The following SDK1 variants were observed in gnomAD, a reference collection of about 807,000 sequenced individuals.
SDK1 encodes the protein protein sidekick-1.
In SDK1, 157 loss-of-function variants were observed where a neutral mutation model predicts 245.5. That is an observed-to-expected ratio of 0.64 (90% CI 0.56 to 0.73). SDK1 has a LOEUF of 0.73. Ranked by LOEUF, SDK1 falls within the 30% of genes least tolerant of loss-of-function variation. The pLI is 0.00. For missense variants in SDK1, 3,583 were observed against 3,002.3 expected, an observed-to-expected ratio of 1.19 and a Z score of -4.52; for synonymous variants, 1,647 against 1,278.5, an observed-to-expected ratio of 1.29 and a Z score of -6.15.
At chr7:3,615,118 C>A (rs1781726099) in intron 1 of SDK1, among the ~76,000 whole-genome samples, 1 of 151,590 alleles carries the variant, frequency 6.6e-6, no homozygotes, top group Non-Finnish European at 1.5e-5. Context: ...CGAAGCTTTT[C>A]CCTTTCGAAA....
intron 1 of SDK1, among the ~76,000 whole-genome samples, chr7:3,575,979 C>CTT (rs1307136285): frequency 1.3e-5 from 2 of 151,970 alleles, no homozygotes; most frequent in Admixed American, 6.5e-5. Context: ...ATTGAATGGG[C>CTT]TTTCTGCTCT....
chr7:3,731,855 G>T (rs113650448), intron 4 of SDK1, among the ~76,000 whole-genome samples: 5,238 of 152,220 alleles, frequency 0.034, 297 homozygotes, highest in African/African-American at 0.12. Flanking sequence ...GCAGTGGCGT[G>T]ATGTTGGCTC....
At chr7:3,538,910 G>C (rs552499606) in intron 1 of SDK1, among the ~76,000 whole-genome samples, 1 of 152,338 alleles carries the variant, frequency 6.6e-6, no homozygotes, top group South Asian at 2.1e-4. Context: ...ACACAAAGAG[G>C]CAGACGGAAT....
chr7:3,653,758 G>C (rs967078667), intron 4 of SDK1, among the ~76,000 whole-genome samples: 4 of 152,146 alleles, frequency 2.6e-5, no homozygotes, highest in Non-Finnish European at 5.9e-5. Context: ...AGCTAGACTA[G>C]ACAAAGTGAA....
intron 4 of SDK1, among the ~76,000 whole-genome samples, chr7:3,687,452 C>G (rs1291844818): frequency 2.0e-5 from 3 of 152,146 alleles, no homozygotes; most frequent in Non-Finnish European, 4.4e-5. Context: ...TCATAATCAC[C>G]CCAAACTGAA....
intron 1 of SDK1, among the ~76,000 whole-genome samples, chr7:3,600,557 T>TG (rs35006650): frequency 0.17 from 24,886 of 144,512 alleles, 2,556 homozygotes; most frequent in South Asian, 0.29. Context: ...TGTAGTTTTT[T>TG]TTTTTTTTTT....
At chr7:3,912,146 G>A (rs924006872) in intron 5 of SDK1, among the ~76,000 whole-genome samples, 17 of 152,226 alleles carry the variant, frequency 1.1e-4, no homozygotes, top group African/African-American at 2.9e-4. Flanking sequence ...CTCGTTGAAG[G>A]TTTAAAGCCG....
chr7:4,224,538 C>T (rs1785313811), intron 40 of SDK1, among the ~76,000 whole-genome samples: 1 of 152,214 alleles, frequency 6.6e-6, no homozygotes, highest in Non-Finnish European at 1.5e-5. Flanking sequence ...AGGCCCCTCC[C>T]CCAACACCGG....
At chr7:4,250,795 G>T (rs905919032) in intron 44 of SDK1, among the ~76,000 whole-genome samples, 1 of 152,158 alleles carries the variant, frequency 6.6e-6, no homozygotes, top group Admixed American at 6.5e-5. Context: ...GCTTTATTGA[G>T]TTATAATTCA....
intron 21 of SDK1, among the ~76,000 whole-genome samples, chr7:4,078,851 T>C (rs1780871174): frequency 6.6e-6 from 1 of 152,100 alleles, no homozygotes; most frequent in African/African-American, 2.4e-5. Flanking sequence ...CCTGAGCAAC[T>C]GAATAGAAGC....
chr7:4,075,000 C>T (rs1470172591), intron 20 of SDK1, among the ~76,000 whole-genome samples: 1 of 149,874 alleles, frequency 6.7e-6, no homozygotes, highest in Non-Finnish European at 1.5e-5. Context: ...GCCTTCTCCC[C>T]TCTCCCTGGG....
chr7:3,411,999 A>G (rs913575998), intron 1 of SDK1, among the ~76,000 whole-genome samples: 8 of 152,210 alleles, frequency 5.3e-5, no homozygotes, highest in Non-Finnish European at 1.2e-4. Context: ...GATTTCCACA[A>G]TGTAAGGAAA....
rs149722525 is a variant in SDK1 at position 3,558,145 on chromosome 7, A to G, written c.299-60935A>G. 1.1e-3 allele frequency among the ~76,000 whole-genome samples: 165 copies of G among 152,310 alleles called. 1 individual carries two copies. The highest frequency in any genetic ancestry group is 3.9e-3 in the African/African-American group (161 of 41,558). On this transcript the variant is annotated intron_variant, in intron 1 of 44. Transcript: ENST00000404826. Reference sequence around the variant, plus strand: ...ATGGCCGGTATAGTTGCCGAATCAGATGTTTTTAGCTTACAGAAATGACAA... The same window carrying G: ...ATGGCCGGTATAGTTGCCGAATCAGGTGTTTTTAGCTTACAGAAATGACAA...
chr7:3,654,182 T>C (rs146156025), intron 4 of SDK1, among the ~76,000 whole-genome samples: 1 of 152,160 alleles, frequency 6.6e-6, no homozygotes, highest in Non-Finnish European at 1.5e-5. Flanking sequence ...ACACTGCTCC[T>C]CCAAATGCTG....
intron 1 of SDK1, among the ~76,000 whole-genome samples, chr7:3,328,459 C>T (rs988245835): frequency 2.6e-5 from 4 of 151,872 alleles, no homozygotes; most frequent in Non-Finnish European, 5.9e-5. Flanking sequence ...ATTAGTGTGG[C>T]AAGACCCAAA....
At chr7:3,421,346 G>T (rs1202786697) in intron 1 of SDK1, among the ~76,000 whole-genome samples, 1 of 151,930 alleles carries the variant, frequency 6.6e-6, no homozygotes, top group Non-Finnish European at 1.5e-5. Context: ...AAAGTGCTGG[G>T]ATTACAGGTG....
intron 4 of SDK1, among the ~76,000 whole-genome samples, chr7:3,690,870 A>C (rs10485873): frequency 0.55 from 83,224 of 151,994 alleles, 26,645 homozygotes; most frequent in Non-Finnish European, 0.73. Context: ...CATAATAGAC[A>C]GTCTCAAAAC....
intron 26 of SDK1, among the ~76,000 whole-genome samples, chr7:4,128,643 G>A (rs1784549686): frequency 6.9e-6 from 1 of 144,844 alleles, no homozygotes; most frequent in Non-Finnish European, 1.5e-5. Flanking sequence ...GGGTGCCCTG[G>A]AATAGAGCAG....
chr7:3,940,805 AAATAAT>A (rs533451652), intron 5 of SDK1, among the ~76,000 whole-genome samples: 707 of 152,002 alleles, frequency 4.7e-3, no homozygotes, highest in Non-Finnish European at 7.1e-3. Context: ...TGGGTGACAA[AAATAAT>A]AATAATAATA....
Sources: gnomAD v4.1 joint callset for allele counts (sites outside exome capture counted in the v4.1 genomes callset) on GRCh38, gnomAD v4.1.1 for gene constraint, MANE v1.5 for transcripts, NCBI Gene and HGNC (gene_info 2026-07-23, HGNC 2026-07-21) for gene names.